The following CFAP61 variants were observed in gnomAD, a reference collection of about 807,000 sequenced individuals.
The protein encoded by CFAP61 is cilia and flagella associated protein 61.
Under a neutral mutation model 135.6 loss-of-function variants are expected in CFAP61, and 107 were observed. The observed-to-expected ratio is 0.79, with a 90% CI of 0.67 to 0.93. The LOEUF (loss-of-function observed/expected upper bound fraction) is 0.93. Ranked by LOEUF, CFAP61 falls within the 40% of genes least tolerant of loss-of-function variation. The pLI is 0.00. For synonymous variants in CFAP61, 575 were observed against 578.5 expected (o/e 0.99, Z 0.09); for missense variants, 1,507 against 1,556.2 (o/e 0.97, Z 0.53).
chr20:20,103,401 A>G (rs978078572), intron 8 of CFAP61, among the ~76,000 whole-genome samples: 1 of 152,170 alleles, frequency 6.6e-6, no homozygotes, highest in Admixed American at 6.5e-5. Flanking sequence ...ACCAATGGGA[A>G]TAGGTTCTAA....
intron 6 of CFAP61, 131 bp from the exon 7 acceptor site, chr20:20,090,710 AAAG>A: frequency 1.1e-5 from 7 of 654,738 alleles, no homozygotes; most frequent in South Asian, 2.6e-5. Flanking sequence ...AAAAAAAAAA[AAAG>A]AAGGAAAGTT....
intron 20 of CFAP61, chr20:20,258,524 T>C (rs1215871838): frequency 6.6e-6 from 1 of 152,164 alleles, no homozygotes; most frequent in Non-Finnish European, 1.5e-5. Context: ...ATTCAGGGTG[T>C]GCAGGATGGC....
In CFAP61 at chr20:20,098,747, ACT is replaced by A. The variant is rs1568898010; in HGVS notation, c.795_796del (p.Cys266PhefsTer5). 6.2e-7 allele frequency: 1 copy of A among 1,613,892 alleles called. No homozygotes were observed. The highest frequency in any genetic ancestry group is 8.5e-7 in the Non-Finnish European group (1 of 1,179,988). ...GCTTTGACTTGGGCCCTTTCCACGG[ACT>A]CTGTTTCCCACATCCTGATGACGTT... ...ECFDLGPFHG[L>X]CFPHPDDVLE... On this transcript the variant is annotated frameshift_variant, in exon 8 of 27. Coordinates refer to ENST00000245957, the MANE Select transcript of CFAP61 (RefSeq NM_015585.4). LOFTEE classifies it high-confidence loss of function.
At chr20:20,297,182 G>A (rs924895771) in intron 24 of CFAP61, among the ~76,000 whole-genome samples, 5 of 152,160 alleles carry the variant, frequency 3.3e-5, no homozygotes, top group African/African-American at 1.2e-4. Context: ...CCAGTTGCCT[G>A]TATTGATGTA....
intron 18 of CFAP61, among the ~76,000 whole-genome samples, chr20:20,240,572 A>G (rs1480639183): frequency 6.8e-6 from 1 of 147,356 alleles, no homozygotes; most frequent in South Asian, 2.1e-4. Flanking sequence ...GGAGTCCGCC[A>G]TCTTTTTTTT....
chr20:20,159,522 G>A, intron 10 of CFAP61, 78 bp downstream of exon 10: 1 of 1,266,812 alleles, frequency 7.9e-7, no homozygotes, highest in South Asian at 1.2e-5. Flanking sequence ...GAGGATTTGT[G>A]CCCTTTCCTC....
chr20:20,257,896 T>C lies in CFAP61; in HGVS notation c.2329-5060T>C, dbSNP rs1601668774. Among the ~76,000 whole-genome samples the C allele has an allele frequency of 2.0e-5, 3 of 152,328 alleles. No individual in the cohort carries two copies. The East Asian group carries it at 5.8e-4, about 29-fold the overall frequency. ...AAGAGTACTATTTCAGTGTTGACTC[T>C]TATATTTAGAAGAAATAAGATTAAA... On this transcript the variant is annotated intron_variant, in intron 20 of 26. Transcript: ENST00000245957.
At chr20:20,159,723 T>C (rs193081535) in intron 10 of CFAP61, among the ~76,000 whole-genome samples, 3 of 152,360 alleles carry the variant, frequency 2.0e-5, no homozygotes, top group Admixed American at 2.0e-4. Flanking sequence ...AAATACAGCT[T>C]ATCTCTCCTT....
intron 25 of CFAP61, among the ~76,000 whole-genome samples, chr20:20,314,105 C>A (rs563425562): frequency 1.8e-4 from 27 of 151,334 alleles, no homozygotes; most frequent in Middle Eastern, 6.9e-3. Flanking sequence ...AACATGAGAG[C>A]GAGTGCAGTG....
At chr20:20,206,782 G>A (rs539605949) in intron 17 of CFAP61, among the ~76,000 whole-genome samples, 41 of 151,838 alleles carry the variant, frequency 2.7e-4, no homozygotes, top group Non-Finnish European at 5.1e-4. Flanking sequence ...TCATTTGGGG[G>A]GCGGTGTCTA....
chr20:20,126,521 T>C (rs1228458162), intron 8 of CFAP61, among the ~76,000 whole-genome samples: 1 of 151,876 alleles, frequency 6.6e-6, no homozygotes, highest in Non-Finnish European at 1.5e-5. Context: ...ATTGTTTTGT[T>C]TGAGGAGGCT....
chr20:20,106,001 T>TATACATATAC (rs1491391097), intron 8 of CFAP61, among the ~76,000 whole-genome samples: 1 of 6,980 alleles, frequency 1.4e-4, no homozygotes, highest in Admixed American at 1.4e-3. Flanking sequence ...TACTCTTGCC[T>TATACATATAC]ATATATATAT....
Position 20,360,323 on chromosome 20 carries a change from C to G in CFAP61, c.3627C>G (p.Tyr1209Ter). The G allele has an allele frequency of 6.2e-7, 1 of 1,613,864 alleles. No individual in the cohort carries two copies. The highest frequency in any genetic ancestry group is 8.5e-7 in the Non-Finnish European group (1 of 1,179,984). ...AAAGAGTTTTTGAGGAATCCATCTACAAAACCCTGGTGGAGAGAAGCACTC... is the reference window on the plus strand; with the variant it reads ...AAAGAGTTTTTGAGGAATCCATCTAGAAAACCCTGGTGGAGAGAAGCACTC... ...YLKRVFEESI[Y>*]KTLVERSTLD... The change falls in exon 27 of 27, where the codon TAC becomes TAG. Residue 1209 changes from tyrosine to a stop codon, truncating the protein, a stop_gained. Transcript: ENST00000245957. LOFTEE classifies it high-confidence loss of function.
At chr20:20,147,268 T>C in intron 9 of CFAP61, among the ~76,000 whole-genome samples, 1 of 152,192 alleles carries the variant, frequency 6.6e-6, no homozygotes. Context: ...CACCTAGTAG[T>C]GGGATTACTG....
At chr20:20,235,494 C>T (rs888115740) in intron 18 of CFAP61, among the ~76,000 whole-genome samples, 21 of 152,076 alleles carry the variant, frequency 1.4e-4, no homozygotes, top group African/African-American at 4.8e-4. Context: ...GCCACCAGGC[C>T]GATGTGGTGT....
intron 12 of CFAP61, among the ~76,000 whole-genome samples, chr20:20,167,339 T>C (rs2053912648): frequency 6.6e-6 from 1 of 152,208 alleles, no homozygotes; most frequent in African/African-American, 2.4e-5. Flanking sequence ...AATTACTTAT[T>C]AAGGCACTTT....
At chr20:20,073,723 G>A (rs55883030) in intron 3 of CFAP61, among the ~76,000 whole-genome samples, 4,738 of 152,284 alleles carry the variant, frequency 0.031, 273 homozygotes, top group African/African-American at 0.11. Context: ...GGAAAGTCTT[G>A]CTAGAATCTT....
At position 20,277,368 on chromosome 20, in the gene CFAP61, C is replaced by A; in HGVS notation, c.2706C>A (p.Ile902=). Residue 902 remains isoleucine (I), a synonymous_variant, in exon 22 of 27, where the codon ATC becomes ATA. Coordinates refer to ENST00000245957, the MANE Select transcript of CFAP61 (RefSeq NM_015585.4). ...AAGVTMYRDA[I]LAQWNDGLHP... ...GAGTCACTATGTACCGGGATGCGAT[C>A]CTGGCCCAGTGGAATGACGGCCTGC... is the stretch of plus-strand genomic sequence containing the variant. 1 of 1,614,162 alleles carries A rather than the reference C, an allele frequency of 6.2e-7. No individual in the cohort carries two copies. Among genetic ancestry groups the A allele is most frequent in the Non-Finnish European group, 8.5e-7 (1 of 1,180,022 alleles).
At chr20:20,128,982 G>GTTGTTATAACTATTATTATAA (rs1162126921) in intron 8 of CFAP61, among the ~76,000 whole-genome samples, 4 of 151,264 alleles carry the variant, frequency 2.6e-5, no homozygotes, top group Non-Finnish European at 5.9e-5. Flanking sequence ...CTCTTAACAA[G>GTTGTTATAACTATTATTATAA]TTGTTATAAC....
Sources: gnomAD v4.1 joint callset for allele counts (sites outside exome capture counted in the v4.1 genomes callset) on GRCh38, gnomAD v4.1.1 for gene constraint, MANE v1.5 for transcripts, NCBI Gene and HGNC (gene_info 2026-07-23, HGNC 2026-07-21) for gene names.